Variants in CDH7 observed in about 807,000 individuals in gnomAD.
CDH7 encodes cadherin 7.
CDH7 carries 25 observed loss-of-function variants against 71.8 expected under a neutral mutation model. That is an observed-to-expected ratio of 0.35 (90% confidence interval 0.25 to 0.49). The LOEUF is 0.49. Ranked by LOEUF, CDH7 falls within the 20% of genes least tolerant of loss-of-function variation. CDH7 has a pLI of 0.99. For missense variants in CDH7, 862 were observed against 974.6 expected (o/e 0.88, Z 1.54); for synonymous variants, 381 against 363.8 (o/e 1.05, Z -0.54).
At chr18:65,790,357 T>C (rs1910670284) in intron 2 of CDH7, among the ~76,000 whole-genome samples, 1 of 151,980 alleles carries the variant, frequency 6.6e-6, no homozygotes, top group Admixed American at 6.6e-5. Context: ...GAAGCATGCA[T>C]TATTTAATGT....
At chr18:65,765,529 T>TA (rs1916331731) in intron 2 of CDH7, among the ~76,000 whole-genome samples, 1 of 151,080 alleles carries the variant, frequency 6.6e-6, no homozygotes, top group South Asian at 2.1e-4. Flanking sequence ...CAGAAAGAAA[T>TA]AAAAATTATA....
In CDH7 at chr18:65,889,894, C is replaced by T. The variant is rs1209326645; in HGVS notation, c.*9000C>T. 2.0e-5 allele frequency: 3 copies of T among 152,148 alleles called. No individual in the cohort carries two copies. The highest frequency in any genetic ancestry group is 7.2e-5 in the African/African-American group (3 of 41,452). 9.4% of individuals were successfully genotyped at this position (152,148 alleles called of 1,614,324 possible). A position where few individuals can be genotyped will look rare whatever the true frequency, so the allele number is the denominator to read the frequency against. ...TTAACGTGCTTATAACCAGTGTGAT[C>T]CTTGTTAATCAGAATTCTAGAATGT... On this transcript the variant is annotated 3_prime_UTR_variant, in exon 12 of 12. Transcript: ENST00000397968.
rs1217280792 is a variant in CDH7, at chr18:65,857,343, TAATAATAATAATAATAATAAA to T, written c.1236-471_1236-451del. ...ATAATAATAATAATAATAATAATAA[TAATAATAATAATAATAATAAA>T]ATAGCCAAATATGGTGGTGCATGCC... is the stretch of plus-strand genomic sequence containing the variant. On this transcript the variant is annotated intron_variant, in intron 7 of 11. Coordinates refer to ENST00000397968, the MANE Select transcript of CDH7 (RefSeq NM_004361.5). Among the ~76,000 whole-genome samples, 56 of 145,712 alleles carry T rather than the reference TAATAATAATAATAATAATAAA, an allele frequency of 3.8e-4. 1 individual carries two copies. In the South Asian group the frequency reaches 0.012, roughly 30 times the overall value.
chr18:65,774,827 T>C (rs1909877848), intron 2 of CDH7, among the ~76,000 whole-genome samples: 1 of 152,132 alleles, frequency 6.6e-6, no homozygotes. Flanking sequence ...GTCCTGGCTT[T>C]ATTTTAAAAT....
chr18:65,790,955 T>C (rs1167029873), intron 2 of CDH7, among the ~76,000 whole-genome samples: 1 of 152,226 alleles, frequency 6.6e-6, no homozygotes, highest in African/African-American at 2.4e-5. Flanking sequence ...CTATGAACAG[T>C]TGCTGTGTTT....
chr18:65,815,399 G>A (rs1311320979), intron 4 of CDH7, among the ~76,000 whole-genome samples: 1 of 152,030 alleles, frequency 6.6e-6, no homozygotes, highest in African/African-American at 2.4e-5. Context: ...CCTTTATCAT[G>A]GAGTTAGAAT....
At chr18:65,752,268 G>A (rs1410453423) in intron 1 of CDH7, among the ~76,000 whole-genome samples, 1 of 152,196 alleles carries the variant, frequency 6.6e-6, no homozygotes, top group Non-Finnish European at 1.5e-5. Flanking sequence ...TTAATATATG[G>A]CCCTTGCCAA....
intron 1 of CDH7, among the ~76,000 whole-genome samples, chr18:65,752,222 T>C (rs943551157): frequency 5.3e-5 from 8 of 152,198 alleles, no homozygotes; most frequent in South Asian, 2.1e-4. Context: ...AAACATAACT[T>C]TATACAAAAA....
chr18:65,750,914 G>A (rs1162158118), upstream of CDH7: 1 of 152,212 alleles, frequency 6.6e-6, no homozygotes, highest in Non-Finnish European at 1.5e-5. Flanking sequence ...CCCGGCGCCC[G>A]AGGCCGGGGC....
At position 65,763,594 on chromosome 18, in the gene CDH7, G is replaced by GGTGTGTGT. The variant is rs71167145; in HGVS notation, c.210+573_210+580dup. ...CTTAGCAGTCTTGTTTTGATAGGGG[G>GGTGTGTGT]GTGTGTGTGTGTGTGTGTGTGTGTG... On this transcript the variant is annotated intron_variant, in intron 2 of 11. Coordinates refer to ENST00000397968, the MANE Select transcript of CDH7 (RefSeq NM_004361.5). 1.0e-3 allele frequency among the ~76,000 whole-genome samples: 100 copies of GGTGTGTGT among 99,208 alleles called. 1 individual carries two copies. Among genetic ancestry groups the GGTGTGTGT allele is most frequent in the Middle Eastern group, 0.013 (2 of 154 alleles). The allele number at this position is 99,208 out of a possible 152,430, so 65.1% of individuals were successfully genotyped here. A position where few individuals can be genotyped will look rare whatever the true frequency, so the allele number is the denominator to read the frequency against.
chr18:65,779,086 T>G lies in CDH7; in HGVS notation c.210+16034T>G, dbSNP rs899863217. Among the ~76,000 whole-genome samples the G allele has an allele frequency of 7.9e-5, 12 of 151,496 alleles. No individual in the cohort carries two copies. The South Asian group carries it at 1.2e-3, about 16-fold the overall frequency. On this transcript the variant is annotated intron_variant, in intron 2 of 11. Transcript: ENST00000397968. ...CAAATCACTGTTTGTTTGTTTGTTT[T>G]TTTTAATGGAAAAAATGAGTTTATT...
chr18:65,765,869 A>G (rs1308568450), intron 2 of CDH7, among the ~76,000 whole-genome samples: 2 of 152,134 alleles, frequency 1.3e-5, no homozygotes, highest in African/African-American at 2.4e-5. Flanking sequence ...TTTCTAATCT[A>G]TAAAATAGAA....
chr18:65,885,372 G>GTGTTTTTTTTTTTTTTTTTTT lies in CDH7; in HGVS notation c.*4479_*4480insGTTTTTTTTTTTTTTTTTTTT, dbSNP rs1914342122. The GTGTTTTTTTTTTTTTTTTTTT allele has an allele frequency of 1.4e-5, 1 of 69,436 alleles. No homozygotes were observed. The highest frequency in any genetic ancestry group is 2.7e-5 in the Non-Finnish European group (1 of 37,390). 4.3% of individuals were successfully genotyped at this position (69,436 alleles called of 1,614,324 possible). ...GTAACTGAAAAGGATGTGTGCCTGT[G>GTGTTTTTTTTTTTTTTTTTTT]TTTTTTTTTTTTTTTTTTTTTTTGA... On this transcript the variant is annotated 3_prime_UTR_variant, in exon 12 of 12. Coordinates refer to ENST00000397968, the MANE Select transcript of CDH7 (RefSeq NM_004361.5).
At chr18:65,829,620 C>G (rs116457282) in intron 6 of CDH7, among the ~76,000 whole-genome samples, 1,597 of 152,076 alleles carry the variant, frequency 0.011, 23 homozygotes, top group African/African-American at 0.037. Context: ...CTTCAAACCT[C>G]CCCCTGCCTG....
At chr18:65,794,188 G>A (rs1319091993) in intron 2 of CDH7, among the ~76,000 whole-genome samples, 2 of 150,570 alleles carry the variant, frequency 1.3e-5, no homozygotes, top group African/African-American at 4.9e-5. Context: ...TTTCTTTTGT[G>A]GTAGTATATA....
intron 2 of CDH7, among the ~76,000 whole-genome samples, chr18:65,790,917 A>G (rs143698374): frequency 6.6e-6 from 1 of 152,230 alleles, no homozygotes; most frequent in South Asian, 2.1e-4. Flanking sequence ...TGATTAGTTT[A>G]AAATGGACCC....
Position 65,752,352 on chromosome 18 carries a change from T to A in CDH7, c.-197+1202T>A, listed in dbSNP as rs564767693. Among the ~76,000 whole-genome samples, 4 of 152,358 alleles carry A rather than the reference T, an allele frequency of 2.6e-5. No individual in the cohort carries two copies. In the East Asian group the frequency reaches 7.7e-4, roughly 29 times the overall value. ...GTGTATTTTAAGAGTTTAAGAGCAG[T>A]AGCAGTCTTTTTTTCTAAAGGAAAG... On this transcript the variant is annotated intron_variant, in intron 1 of 11. Transcript: ENST00000397968.
intron 4 of CDH7, among the ~76,000 whole-genome samples, chr18:65,820,974 A>C (rs559793368): frequency 6.6e-5 from 10 of 152,280 alleles, no homozygotes; most frequent in African/African-American, 2.4e-4. Flanking sequence ...TATAAAAAAT[A>C]ATTGGGACTT....
intron 2 of CDH7, among the ~76,000 whole-genome samples, chr18:65,765,868 T>C (rs1916347312): frequency 6.6e-6 from 1 of 152,154 alleles, no homozygotes; most frequent in South Asian, 2.1e-4. Flanking sequence ...TTTTCTAATC[T>C]ATAAAATAGA....
Sources: gnomAD v4.1 joint callset for allele counts (sites outside exome capture counted in the v4.1 genomes callset) on GRCh38, gnomAD v4.1.1 for gene constraint, MANE v1.5 for transcripts, NCBI Gene and HGNC (gene_info 2026-07-23, HGNC 2026-07-21) for gene names.